Variants in CAPN14 observed in about 807,000 individuals in gnomAD.
CAPN14 encodes calpain 14.
Under a neutral mutation model 101.3 loss-of-function variants are expected in CAPN14, and 94 were observed. The ratio of observed to expected loss-of-function variants is 0.93; its 90% confidence interval spans 0.79 to 1.10. The LOEUF is 1.10. CAPN14 is among the 50% of genes least tolerant of loss of function. The probability of loss-of-function intolerance (pLI) is 0.00; values close to 1 mark genes in which losing one functional copy is unlikely to be tolerated. For synonymous variants in CAPN14, 338 were observed against 317.9 expected (o/e 1.06, Z -0.67); for missense variants, 837 against 828.4 (o/e 1.01, Z -0.13).
chr2:31,213,329 G>A (rs1682489980), intron 1 of CAPN14, among the ~76,000 whole-genome samples: 2 of 152,348 alleles, frequency 1.3e-5, no homozygotes, highest in Middle Eastern at 3.4e-3. Context: ...AGTAGGAGTT[G>A]GCAAACTACA....
intron 1 of CAPN14, among the ~76,000 whole-genome samples, chr2:31,233,039 G>A (rs527564888): frequency 5.3e-5 from 8 of 152,250 alleles, no homozygotes; most frequent in African/African-American, 1.7e-4. Context: ...CACTGCTTTT[G>A]CCTACACCTG....
intron 16 of CAPN14, among the ~76,000 whole-genome samples, chr2:31,183,893 T>A (rs1275082236): frequency 6.8e-6 from 1 of 147,758 alleles, no homozygotes; most frequent in Non-Finnish European, 1.5e-5. Flanking sequence ...ACTTTCTTTC[T>A]TTTTTTCTTT....
chr2:31,181,118 G>T (rs977927780), intron 16 of CAPN14, 118 bp from the exon 17 acceptor site: 9 of 749,226 alleles, frequency 1.2e-5, no homozygotes, highest in Non-Finnish European at 1.8e-5. Context: ...ATGTACGTGG[G>T]CTGGGAAGAG....
intron 10 of CAPN14, 25 bp downstream of exon 10, chr2:31,193,106 G>T (rs1432040617): frequency 4.5e-6 from 7 of 1,542,004 alleles, no homozygotes; most frequent in Non-Finnish European, 6.1e-6. Flanking sequence ...CACCCTGAGA[G>T]CCCTGCTCCT....
At chr2:31,210,823 T>C (rs1193519670) in intron 1 of CAPN14, among the ~76,000 whole-genome samples, 1 of 152,238 alleles carries the variant, frequency 6.6e-6, no homozygotes, top group Admixed American at 6.5e-5. Context: ...GCCAATAAGT[T>C]GAATATACAA....
At chr2:31,206,402 G>A (rs757040046) in intron 1 of CAPN14, among the ~76,000 whole-genome samples, 3 of 152,120 alleles carry the variant, frequency 2.0e-5, no homozygotes, top group South Asian at 2.1e-4. Flanking sequence ...ACAGACGCCC[G>A]CCACCACACC....
chr2:31,194,400 G>A lies in CAPN14; in HGVS notation c.950+9C>T, dbSNP rs1385080147. The A allele has an allele frequency of 6.5e-7, 1 of 1,548,718 alleles. No homozygotes were observed. Among genetic ancestry groups the A allele is most frequent in the East Asian group, 2.4e-5 (1 of 40,890 alleles). On this transcript the variant is annotated intron_variant, in intron 9 of 21. Transcript: ENST00000403897. ...CCAGGACATTTGTCCAAGTCCCTAA[G>A]TCCAATACCAGAATTCTCCGTCATT...
At chr2:31,202,065 A>G (rs1328882091) in intron 4 of CAPN14, 67 bp from the exon 5 acceptor site, 8 of 1,550,146 alleles carry the variant, frequency 5.2e-6, no homozygotes, top group Non-Finnish European at 7.0e-6. Context: ...CAGAAGGTGA[A>G]GACATGGTCC....
In CAPN14 at chr2:31,211,258, G is replaced by GAGGGAGGA. The variant is rs1248594002; in HGVS notation, c.-52-5760_-52-5759insTCCTCCCT. 2.1e-4 allele frequency among the ~76,000 whole-genome samples: 32 copies of GAGGGAGGA among 150,768 alleles called. 1 individual carries two copies. In the South Asian group the frequency reaches 6.8e-3, roughly 32 times the overall value. On this transcript the variant is annotated intron_variant, in intron 1 of 21. Transcript: ENST00000403897. ...AGAAAAAGAGAGAAAGAGAGGGAGG[G>GAGGGAGGA]AGGAAGGAAGGGTCACAAAAATCAG...
At chr2:31,176,670 A>C (rs1374061474) in intron 20 of CAPN14, 28 bp from the exon 21 acceptor site, 1 of 1,532,094 alleles carries the variant, frequency 6.5e-7, no homozygotes, top group Admixed American at 2.0e-5. Flanking sequence ...AAAGGAATAC[A>C]GCTAATGTGT....
intron 2 of CAPN14, among the ~76,000 whole-genome samples, chr2:31,225,802 T>C (rs1454031385): frequency 2.0e-5 from 3 of 151,868 alleles, no homozygotes; most frequent in Non-Finnish European, 2.9e-5. Context: ...TAAATATAAG[T>C]GCACAAAAGA....
rs969342221 is a variant in CAPN14, at chr2:31,230,227, A to G, written c.-177+3564T>C. Among the ~76,000 whole-genome samples the G allele has an allele frequency of 6.6e-6, 1 of 152,210 alleles. No homozygotes were observed. The highest frequency in any genetic ancestry group is 2.4e-5 in the African/African-American group (1 of 41,450). ...GACCCCAGTGTGGTATATATTTTAT[A>G]TGAATGTGGCACATTTATCCATTTA... On this transcript the variant is annotated intron_variant and NMD_transcript_variant, in intron 1 of 21. Coordinates refer to the CAPN14 transcript ENST00000398824. The surrounding 1 kb of genome is among the most constrained non-coding windows in gnomAD (Gnocchi z 4.3).
Position 31,180,954 on chromosome 2 carries a change from C to G in CAPN14, c.1692G>C (p.Gly564=). ...QPFFSLEACQ[G]ILALLDLNAS... is the part of the protein sequence containing the mutation. ...AGGATACGTCCAGTAAGGCCAGGAT[C>G]CCCTGGCAGGCTTCCAGGCTAAAGA... is the stretch of plus-strand genomic sequence containing the variant. Residue 564 remains glycine, a synonymous_variant, in exon 17 of 22, where the codon GGG becomes GGC. Coordinates refer to ENST00000403897, the MANE Select transcript of CAPN14 (RefSeq NM_001145122.2). 1 of 1,551,776 alleles carries G rather than the reference C, an allele frequency of 6.4e-7. No individual in the cohort carries two copies. Among genetic ancestry groups the G allele is most frequent in the Non-Finnish European group, 8.7e-7 (1 of 1,146,940 alleles).
intron 16 of CAPN14, 110 bp downstream of exon 16, chr2:31,186,318 G>T: frequency 1.6e-6 from 1 of 632,250 alleles, no homozygotes; most frequent in South Asian, 2.8e-5. Context: ...CCAGAGTTGA[G>T]ACCAGTGCTC....
chr2:31,184,791 C>A (rs2148676181), intron 16 of CAPN14, among the ~76,000 whole-genome samples: 2 of 152,330 alleles, frequency 1.3e-5, no homozygotes, highest in Non-Finnish European at 2.9e-5. Context: ...TTTCCTGGAA[C>A]ACAATTTTAA....
At chr2:31,200,781 T>C (rs1255687401) in intron 5 of CAPN14, among the ~76,000 whole-genome samples, 156 bp from the exon 6 acceptor site, 3 of 152,228 alleles carry the variant, frequency 2.0e-5, no homozygotes, top group Middle Eastern at 3.4e-3. Flanking sequence ...ACCATACCCA[T>C]CCTGAATGGC....
intron 1 of CAPN14, among the ~76,000 whole-genome samples, chr2:31,206,609 G>A (rs1201883774): frequency 1.3e-5 from 2 of 152,132 alleles, no homozygotes; most frequent in Admixed American, 6.5e-5. Flanking sequence ...TAATGTAAAA[G>A]GGGGACAAAA....
Position 31,187,828 on chromosome 2 carries a change from C to T in CAPN14, c.1531-14G>A, listed in dbSNP as rs536028264. The T allele has an allele frequency of 2.9e-5, 45 of 1,546,420 alleles. No homozygotes were observed. Among genetic ancestry groups the T allele is most frequent in the Non-Finnish European group, 3.7e-5 (42 of 1,142,408 alleles). On this transcript the variant is annotated splice_polypyrimidine_tract_variant and intron_variant, in intron 14 of 21. Transcript: ENST00000403897. ...GTCTTCTATCTCCTATAGGAAGAGA[C>T]ACACAGAAAGACACAATTATTCACC...
chr2:31,175,453 T>G (rs1294442588), intron 21 of CAPN14, among the ~76,000 whole-genome samples: 1 of 152,246 alleles, frequency 6.6e-6, no homozygotes, highest in Non-Finnish European at 1.5e-5. Flanking sequence ...TCTCTTCCTG[T>G]GATAGCTCTT....
Sources: gnomAD v4.1 joint callset for allele counts (sites outside exome capture counted in the v4.1 genomes callset) on GRCh38, gnomAD v4.1.1 for gene constraint, Gnocchi (gnomAD v3.1) non-coding constraint, MANE v1.5 for transcripts, NCBI Gene and HGNC (gene_info 2026-07-23, HGNC 2026-07-21) for gene names.